GPR143: variants seen among roughly 807,000 people sequenced by gnomAD.
GPR143 encodes G protein-coupled receptor 143, also known as G-protein coupled receptor 143.
Under a neutral mutation model 27.6 loss-of-function variants are expected in GPR143, and 8 were observed. The ratio of observed to expected loss-of-function variants is 0.29; its 90% CI spans 0.17 to 0.52. GPR143 has a LOEUF of 0.52. GPR143 is among the 20% of genes least tolerant of loss of function. The pLI is 0.96. For missense variants in GPR143, 303 were observed against 343.1 expected, an observed-to-expected ratio of 0.88 and a Z score of 0.92; for synonymous variants, 156 against 153.2, an observed-to-expected ratio of 1.02 and a Z score of -0.13.
intron 3 of GPR143, among the ~76,000 whole-genome samples, chrX:9,751,639 G>C (rs1295101755): frequency 8.9e-6 from 1 of 112,354 alleles, no homozygotes; most frequent in Non-Finnish European, 1.9e-5. Flanking sequence ...GCTGCTAATG[G>C]GTACAGGGTT....
chrX:9,747,606 A>G (rs1351952528), intron 4 of GPR143, among the ~76,000 whole-genome samples: 1 of 112,243 alleles, frequency 8.9e-6, no homozygotes, highest in African/African-American at 3.2e-5. Context: ...TGACAAGGCA[A>G]CACCAATTTG....
At chrX:9,734,544 C>A (rs1477417417) in intron 8 of GPR143, among the ~76,000 whole-genome samples, 2 of 111,868 alleles carry the variant, frequency 1.8e-5, no homozygotes, top group Non-Finnish European at 3.8e-5. Context: ...GGAACACAGC[C>A]CCTCTGTTCT....
chrX:9,749,915 C>T (rs148308326), intron 3 of GPR143, among the ~76,000 whole-genome samples: 55 of 112,375 alleles, frequency 4.9e-4, no homozygotes, highest in African/African-American at 1.7e-3. Context: ...CAGGCACACG[C>T]CATCATGCCC....
intron 8 of GPR143, among the ~76,000 whole-genome samples, chrX:9,726,735 A>C (rs768691768): frequency 8.9e-6 from 1 of 112,057 alleles, no homozygotes; most frequent in South Asian, 3.7e-4. Flanking sequence ...TAGAAAGCCC[A>C]AAGCCAAACT....
At chrX:9,744,064 G>A (rs2083416937) in intron 5 of GPR143, among the ~76,000 whole-genome samples, 1 of 112,297 alleles carries the variant, frequency 8.9e-6, no homozygotes, top group Admixed American at 9.4e-5. Context: ...TTGGCTGGGT[G>A]CAGTGGCTCA....
intron 5 of GPR143, 117 bp downstream of exon 5, chrX:9,745,927 T>C (rs2083426375): frequency 1.8e-6 from 1 of 553,082 alleles, no homozygotes; most frequent in South Asian, 2.3e-5. Flanking sequence ...CTCTGGAGGA[T>C]GACAAATGAG....
intron 1 of GPR143, among the ~76,000 whole-genome samples, chrX:9,772,001 G>A (rs770282916): frequency 3.4e-4 from 38 of 110,883 alleles, no homozygotes; most frequent in Non-Finnish European, 6.4e-4. Flanking sequence ...ATGAGCCACC[G>A]CGCCCGGCTG....
At chrX:9,757,852 C>T (rs916394060) in intron 3 of GPR143, among the ~76,000 whole-genome samples, 1 of 111,128 alleles carries the variant, frequency 9.0e-6, no homozygotes, top group African/African-American at 3.3e-5. Flanking sequence ...GCTTTGACCT[C>T]CTGGGCTGAA....
At chrX:9,754,977 G>A (rs185597420) in intron 3 of GPR143, among the ~76,000 whole-genome samples, 1 of 111,799 alleles carries the variant, frequency 8.9e-6, no homozygotes, top group East Asian at 2.8e-4. Flanking sequence ...GAGCTGCAGG[G>A]CCATGGCTGT....
At chrX:9,758,529 G>A (rs1268743105) in intron 3 of GPR143, among the ~76,000 whole-genome samples, 1 of 111,636 alleles carries the variant, frequency 9.0e-6, no homozygotes, top group African/African-American at 3.3e-5. Flanking sequence ...CTCCAGCCCC[G>A]GCATTCTCAG....
chrX:9,768,550 C>T (rs942193618), upstream of GPR143, among the ~76,000 whole-genome samples: 1 of 111,952 alleles, frequency 8.9e-6, no homozygotes. Context: ...CGTGCTGCTG[C>T]GCACCTGTAG....
chrX:9,772,079 T>G (rs1447517393), intron 1 of GPR143, among the ~76,000 whole-genome samples: 2 of 111,500 alleles, frequency 1.8e-5, no homozygotes, highest in East Asian at 5.6e-4. Context: ...AGCAATGTCC[T>G]TCCTCTTGGA....
At chrX:9,742,249 G>A (rs2083407355) in intron 6 of GPR143, among the ~76,000 whole-genome samples, 1 of 111,757 alleles carries the variant, frequency 8.9e-6, no homozygotes, top group Non-Finnish European at 1.9e-5. Flanking sequence ...TCCAAACAAA[G>A]CTCATATCAG....
intron 1 of GPR143, among the ~76,000 whole-genome samples, chrX:9,774,151 A>G (rs1335756090): frequency 9.1e-6 from 1 of 109,784 alleles, no homozygotes; most frequent in Non-Finnish European, 1.9e-5. Flanking sequence ...AAAGAAAAAA[A>G]AGTCAGTAAA....
chrX:9,760,658 T>C, intron 2 of GPR143, 59 bp downstream of exon 2: 1 of 623,117 alleles, frequency 1.6e-6, no homozygotes, highest in Non-Finnish European at 2.7e-6. Flanking sequence ...GGTTTGCTGC[T>C]GCTGCGATTT....
chrX:9,746,163 G>A lies in GPR143; in HGVS notation c.549-10C>T. On this transcript the variant is annotated splice_polypyrimidine_tract_variant and intron_variant, in intron 4 of 8. Transcript: ENST00000467482. ...CAGGCCCCGCTCACACCTGAGAGAG[G>A]AAAACCAAAGTCATTCTTCTCAAAA... The A allele has an allele frequency of 5.7e-6, 6 of 1,061,802 alleles. No homozygotes were observed. The highest frequency in any genetic ancestry group is 2.2e-5 in the Admixed American group (1 of 45,886). 87.5% of individuals were successfully genotyped at this position (1,061,802 alleles called of 1,213,427 possible).
At chrX:9,760,973 G>A in intron 1 of GPR143, 147 bp from the exon 2 acceptor site, 2 of 438,157 alleles carry the variant, frequency 4.6e-6, no homozygotes, top group Non-Finnish European at 8.2e-6. Flanking sequence ...GAGGGAGAGA[G>A]GGAGGGAAAA....
chrX:9,766,900 C>G (rs1250573502), upstream of GPR143, among the ~76,000 whole-genome samples: 1 of 65,563 alleles, frequency 1.5e-5, no homozygotes, highest in Non-Finnish European at 2.8e-5. Flanking sequence ...CTATCTCTCT[C>G]TCTCACACAC....
intron 8 of GPR143, among the ~76,000 whole-genome samples, chrX:9,728,152 T>C (rs751967944): frequency 3.6e-5 from 4 of 111,529 alleles, no homozygotes; most frequent in African/African-American, 1.3e-4. Flanking sequence ...GAGTGGAGTC[T>C]CAGTGGACAG....
Sources: gnomAD v4.1 joint callset for allele counts (sites outside exome capture counted in the v4.1 genomes callset) on GRCh38, gnomAD v4.1.1 for gene constraint, MANE v1.5 for transcripts, NCBI Gene and HGNC (gene_info 2026-07-23, HGNC 2026-07-21) for gene names.